Variants in GLI2 observed in about 807,000 individuals in gnomAD.
GLI2 encodes GLI family zinc finger 2, also known as transcription activator GLI2.
In GLI2, 22 loss-of-function variants were observed where a neutral mutation model predicts 78.9. The observed-to-expected ratio is 0.28, with a 90% confidence interval of 0.20 to 0.40. The LOEUF (loss-of-function observed/expected upper bound fraction) is 0.40. Among genes scored for constraint, GLI2 ranks in the 10% least tolerant of loss-of-function variants. The pLI is 1.00. For missense variants in GLI2, 2,097 were observed against 2,213.2 expected, an observed-to-expected ratio of 0.95 and a Z score of 1.05; for synonymous variants, 974 against 963.7, an observed-to-expected ratio of 1.01 and a Z score of -0.20.
chr2:120,765,476 G>A (rs1025331017), intron 1 of GLI2, among the ~76,000 whole-genome samples: 1 of 152,236 alleles, frequency 6.6e-6, no homozygotes, highest in African/African-American at 2.4e-5. Flanking sequence ...CCTGGTGTTG[G>A]GAGAGCCGGA....
At chr2:120,847,827 C>T (rs184128722) in intron 2 of GLI2, among the ~76,000 whole-genome samples, 163 of 152,230 alleles carry the variant, frequency 1.1e-3, no homozygotes, top group African/African-American at 3.8e-3. Flanking sequence ...CAAGACCCAG[C>T]GTGGAGCCTA....
At chr2:120,813,373 T>G (rs891045628) in intron 2 of GLI2, among the ~76,000 whole-genome samples, 1 of 152,178 alleles carries the variant, frequency 6.6e-6, no homozygotes, top group Non-Finnish European at 1.5e-5. Flanking sequence ...CCCATGGACA[T>G]GCAGTCCACG....
intron 2 of GLI2, among the ~76,000 whole-genome samples, chr2:120,821,422 T>C (rs188315890): frequency 6.6e-6 from 1 of 152,306 alleles, no homozygotes; most frequent in African/African-American, 2.4e-5. Context: ...CGGACATTTA[T>C]GGGCGACAGA....
intron 1 of GLI2, among the ~76,000 whole-genome samples, chr2:120,738,356 T>C (rs1682432160): frequency 6.6e-6 from 1 of 152,246 alleles, no homozygotes; most frequent in Non-Finnish European, 1.5e-5. Context: ...GAGATGTTTT[T>C]CCCTGGGATT....
intron 1 of GLI2, among the ~76,000 whole-genome samples, chr2:120,747,045 TA>T (rs1203723312): frequency 6.6e-6 from 1 of 152,350 alleles, no homozygotes; most frequent in East Asian, 1.9e-4. Flanking sequence ...TTATTATAGA[TA>T]ATACTGGGAT....
At chr2:120,818,927 C>T (rs1024260163) in intron 2 of GLI2, among the ~76,000 whole-genome samples, 1 of 152,012 alleles carries the variant, frequency 6.6e-6, no homozygotes. Flanking sequence ...CGCAGCCCCC[C>T]GCCCTCTTTT....
intron 1 of GLI2, among the ~76,000 whole-genome samples, chr2:120,740,565 G>A (rs1381474842): frequency 6.6e-6 from 1 of 152,164 alleles, no homozygotes; most frequent in East Asian, 1.9e-4. Flanking sequence ...GCAAAGGGAA[G>A]GAAAGCCGCA....
At chr2:120,794,413 G>GAAGACTTTACCTGAA (rs1684289253) in intron 1 of GLI2, among the ~76,000 whole-genome samples, 1 of 152,180 alleles carries the variant, frequency 6.6e-6, no homozygotes, top group Non-Finnish European at 1.5e-5. Context: ...GAAGGCCAAG[G>GAAGACTTTACCTGAA]GGCTCAGCAG....
At chr2:120,885,026 T>C (rs1372821126) in intron 2 of GLI2, among the ~76,000 whole-genome samples, 2 of 152,190 alleles carry the variant, frequency 1.3e-5, no homozygotes, top group Non-Finnish European at 2.9e-5. Flanking sequence ...GCCTTCCATC[T>C]TGGAAGTGTT....
At chr2:120,833,051 C>A (rs552321316) in intron 2 of GLI2, among the ~76,000 whole-genome samples, 30 of 152,122 alleles carry the variant, frequency 2.0e-4, no homozygotes, top group Middle Eastern at 3.4e-3. Flanking sequence ...TGGCCTCTTA[C>A]CAGCCTGGAT....
At chr2:120,865,954 G>A (rs116082484) in intron 2 of GLI2, among the ~76,000 whole-genome samples, 2,680 of 152,296 alleles carry the variant, frequency 0.018, 88 homozygotes, top group African/African-American at 0.06. Flanking sequence ...CCTGTGCCTG[G>A]GGCCAGCACT....
intron 1 of GLI2, among the ~76,000 whole-genome samples, chr2:120,765,392 G>A (rs1221478596): frequency 6.6e-6 from 1 of 152,226 alleles, no homozygotes; most frequent in Non-Finnish European, 1.5e-5. Flanking sequence ...GGCCAAGCCC[G>A]GAGGTATGAA....
intron 2 of GLI2, among the ~76,000 whole-genome samples, chr2:120,890,722 G>A (rs1245316483): frequency 2.6e-5 from 4 of 152,196 alleles, no homozygotes; most frequent in East Asian, 1.9e-4. Context: ...TGCGAATTAC[G>A]TCACGTGTCT....
intron 1 of GLI2, among the ~76,000 whole-genome samples, chr2:120,750,038 C>T (rs1196572821): frequency 2.6e-5 from 4 of 152,210 alleles, no homozygotes; most frequent in East Asian, 3.9e-4. Flanking sequence ...GTTTCTCATC[C>T]GCCAGGATAT....
intron 1 of GLI2, among the ~76,000 whole-genome samples, chr2:120,773,372 G>C (rs185012565): frequency 2.0e-5 from 3 of 152,140 alleles, no homozygotes; most frequent in African/African-American, 7.2e-5. Context: ...GTGTGAGGGG[G>C]AAGAATCCCA....
intron 1 of GLI2, among the ~76,000 whole-genome samples, chr2:120,791,892 G>A (rs933164010): frequency 1.3e-5 from 2 of 152,112 alleles, no homozygotes; most frequent in African/African-American, 2.4e-5. Context: ...ATGGTTTGTC[G>A]GCGTATGTTC....
rs377642084 is a variant in GLI2, at chr2:120,986,289, C to T, written c.1917C>T (p.Ser639=). The stretch of plus-strand genomic sequence containing the variant: ...CTCGTCCCCTGCAGCTGTGTCAGTC[C>T]AGCCCCGGGGCCCAGTCGTCCTGCA... ...IKTESSGLCQ[S]SPGAQSSCSS... is the part of the protein sequence containing the mutation. The change falls in exon 13 of 14, where the codon TCC becomes TCT. Residue 639 remains serine, a synonymous_variant. Transcript: ENST00000361492. 2.0e-5 allele frequency: 32 copies of T among 1,613,078 alleles called. No individual in the cohort carries two copies. Among genetic ancestry groups the T allele is most frequent in the Non-Finnish European group, 2.7e-5 (32 of 1,179,954 alleles).
In GLI2 at chr2:120,984,656, C is replaced by A. The variant is rs61732850; in HGVS notation, c.1818C>A (p.Gly606=). ...NGDSEAGTEP[G]GPESTEASST... ...ACAGTGAGGCCGGCACGGAGCCTGGCGGCCCAGAGAGCACCGAGGCCAGCA... is the reference window on the plus strand; with the variant it reads ...ACAGTGAGGCCGGCACGGAGCCTGGAGGCCCAGAGAGCACCGAGGCCAGCA... Residue 606 remains glycine (G), a synonymous_variant, in exon 12 of 14, where the codon GGC becomes GGA. Coordinates refer to ENST00000361492, the MANE Select transcript of GLI2 (RefSeq NM_001374353.1). The A allele has an allele frequency of 1.5e-3, 2,403 of 1,613,930 alleles. 30 individuals are homozygous for A. The African/African-American group carries it at 0.029, about 19-fold the overall frequency.
chr2:120,886,167 T>G (rs1677388999), intron 2 of GLI2, among the ~76,000 whole-genome samples: 1 of 9,834 alleles, frequency 1.0e-4, no homozygotes, highest in African/African-American at 6.9e-4. Flanking sequence ...AAAGTGTGTG[T>G]GTGTGTGTGT....
Sources: allele counts gnomAD v4.1 joint callset (sites outside exome capture counted in the v4.1 genomes callset), GRCh38; gene constraint gnomAD v4.1.1; transcripts MANE v1.5; gene names NCBI Gene and HGNC (gene_info 2026-07-23, HGNC 2026-07-21).